PTPRD: variants seen among roughly 807,000 people sequenced by gnomAD.
PTPRD encodes the protein receptor-type tyrosine-protein phosphatase delta.
PTPRD carries 34 observed loss-of-function variants against 214.5 expected under a neutral mutation model. The ratio of observed to expected loss-of-function variants is 0.16; its 90% CI spans 0.12 to 0.21. The LOEUF (loss-of-function observed/expected upper bound fraction) is 0.21. Among genes scored for constraint, PTPRD ranks in the 10% least tolerant of loss-of-function variants. The pLI is 1.00. For synonymous variants in PTPRD, 1,128 were observed against 845.7 expected (o/e 1.33, Z -5.79); for missense variants, 2,545 against 2,398.7 (o/e 1.06, Z -1.27).
chr9:8,436,742 T>C, intron 34 of PTPRD, 53 bp from the exon 35 acceptor site: 2 of 1,368,262 alleles, frequency 1.5e-6, no homozygotes, highest in South Asian at 1.2e-5. Flanking sequence ...AAAATGATGC[T>C]AACTATTCCA....
rs868138779 is a variant in PTPRD, at chr9:8,948,531, T to A, written c.-104+70166A>T. ...TATATATATATATTTATATATATAT[T>A]TATATATATATTTATATATATTTAT... is the stretch of plus-strand genomic sequence containing the variant. On this transcript the variant is annotated intron_variant, in intron 11 of 45. Coordinates refer to ENST00000381196, the MANE Select transcript of PTPRD (RefSeq NM_002839.4). Among the ~76,000 whole-genome samples the A allele has an allele frequency of 2.0e-4, 6 of 30,072 alleles. 1 individual carries two copies. The South Asian group carries it at 4.7e-3, about 24-fold the overall frequency. The allele number at this position is 30,072 out of a possible 152,430, so 19.7% of individuals were successfully genotyped here. A position where few individuals can be genotyped will look rare whatever the true frequency, so the allele number is the denominator to read the frequency against.
At chr9:9,923,557 G>A (rs911484883) in intron 5 of PTPRD, among the ~76,000 whole-genome samples, 52 of 151,934 alleles carry the variant, frequency 3.4e-4, no homozygotes, top group African/African-American at 9.9e-4. Context: ...ATGCTTAAAC[G>A]TTTCCTACAA....
At chr9:9,487,431 GTGCC>G (rs1569568734) in intron 8 of PTPRD, among the ~76,000 whole-genome samples, 5 of 152,070 alleles carry the variant, frequency 3.3e-5, no homozygotes, top group Non-Finnish European at 2.9e-5. Context: ...TGGTGTATAT[GTGCC>G]ACATTTTCTT....
intron 12 of PTPRD, among the ~76,000 whole-genome samples, chr9:8,715,226 G>A (rs1465521375): frequency 6.6e-6 from 1 of 151,982 alleles, no homozygotes; most frequent in African/African-American, 2.4e-5. Context: ...CAGCTACATC[G>A]ACCAATTATG....
At chr9:10,026,975 T>G (rs1391035036) in intron 4 of PTPRD, among the ~76,000 whole-genome samples, 2 of 152,048 alleles carry the variant, frequency 1.3e-5, no homozygotes, top group African/African-American at 4.8e-5. Context: ...TAACATCCCA[T>G]TAAAGGCAGC....
At chr9:8,573,337 CTGAAA>C (rs1323073645) in intron 14 of PTPRD, among the ~76,000 whole-genome samples, 2 of 151,822 alleles carry the variant, frequency 1.3e-5, no homozygotes, top group African/African-American at 2.4e-5. Context: ...ATATTTATTC[CTGAAA>C]TGAAAAGATA....
intron 2 of PTPRD, among the ~76,000 whole-genome samples, chr9:10,405,501 A>T (rs1334405882): frequency 7.1e-6 from 1 of 141,432 alleles, no homozygotes; most frequent in Non-Finnish European, 1.6e-5. Context: ...CAACATATAT[A>T]GAATATGATT....
chr9:8,601,023 C>T (rs2094825698), intron 14 of PTPRD, among the ~76,000 whole-genome samples: 1 of 152,068 alleles, frequency 6.6e-6, no homozygotes, highest in African/African-American at 2.4e-5. Flanking sequence ...GAGCTGATCG[C>T]CTTGAAGGGT....
intron 8 of PTPRD, among the ~76,000 whole-genome samples, chr9:9,527,340 A>G (rs2074358019): frequency 6.6e-6 from 1 of 152,194 alleles, no homozygotes; most frequent in Non-Finnish European, 1.5e-5. Flanking sequence ...ACAGTCAGAA[A>G]TAAGAAGTTT....
chr9:9,216,837 T>C (rs945093655), intron 9 of PTPRD, among the ~76,000 whole-genome samples: 24 of 152,290 alleles, frequency 1.6e-4, no homozygotes, highest in African/African-American at 5.8e-4. Context: ...TGTGTTAATA[T>C]AAAAATAAAT....
At chr9:8,847,276 G>C (rs1249067735) in intron 11 of PTPRD, among the ~76,000 whole-genome samples, 2 of 136,274 alleles carry the variant, frequency 1.5e-5, no homozygotes, top group Non-Finnish European at 3.0e-5. Flanking sequence ...ATCAGTAACT[G>C]AATATACATA....
intron 3 of PTPRD, among the ~76,000 whole-genome samples, chr9:10,179,416 G>T (rs2099268805): frequency 6.6e-6 from 1 of 151,978 alleles, no homozygotes; most frequent in South Asian, 2.1e-4. Flanking sequence ...GGTGAATAAA[G>T]AAGTTAGTAA....
rs1244766984 is a variant in PTPRD at position 8,650,095 on chromosome 9, T to C, written c.65-13251A>G. Among the ~76,000 whole-genome samples, 3 of 152,058 alleles carry C rather than the reference T, an allele frequency of 2.0e-5. No individual in the cohort carries two copies. The South Asian group carries it at 6.2e-4, about 32-fold the overall frequency. On this transcript the variant is annotated intron_variant, in intron 12 of 45. Transcript: ENST00000381196. ...ACAACACCATGCTATTTTTAAAATGTTTTGTAGAGATGGGGTCTAGCTATG... is the reference window on the plus strand; with the variant it reads ...ACAACACCATGCTATTTTTAAAATGCTTTGTAGAGATGGGGTCTAGCTATG...
At chr9:10,306,250 C>T (rs2096063757) in intron 3 of PTPRD, among the ~76,000 whole-genome samples, 2 of 124,536 alleles carry the variant, frequency 1.6e-5, no homozygotes, top group South Asian at 2.8e-4. Flanking sequence ...GGGAGGGGAA[C>T]ATCACATGCT....
intron 12 of PTPRD, among the ~76,000 whole-genome samples, chr9:8,645,625 G>A (rs1231936580): frequency 6.6e-6 from 1 of 152,080 alleles, no homozygotes; most frequent in Admixed American, 6.5e-5. Flanking sequence ...TAGGCACACT[G>A]ACAGACAGGA....
intron 8 of PTPRD, among the ~76,000 whole-genome samples, chr9:9,541,589 A>G (rs1356328080): frequency 1.3e-5 from 2 of 151,864 alleles, no homozygotes; most frequent in Non-Finnish European, 2.9e-5. Flanking sequence ...ACAACGTTTT[A>G]ATTATACATA....
At position 9,018,708 on chromosome 9, in the gene PTPRD, A is replaced by C. The variant is rs1334355089; in HGVS notation, c.-115T>G. On this transcript the variant is annotated 5_prime_UTR_variant, in exon 11 of 46. Coordinates refer to ENST00000381196, the MANE Select transcript of PTPRD (RefSeq NM_002839.4). ...GCTTTAAATCTTACTTGTTCTTTAG[A>C]TCCCACGGGTGTTCACCAGACGTCT... The C allele has an allele frequency of 6.6e-6, 1 of 152,208 alleles. No individual in the cohort carries two copies. Among genetic ancestry groups the C allele is most frequent in the Non-Finnish European group, 1.5e-5 (1 of 68,042 alleles). The allele number at this position is 152,208 out of a possible 1,614,324, so 9.4% of individuals were successfully genotyped here.
intron 14 of PTPRD, among the ~76,000 whole-genome samples, chr9:8,579,812 G>A (rs770598329): frequency 6.6e-6 from 1 of 152,190 alleles, no homozygotes; most frequent in African/African-American, 2.4e-5. Context: ...TGGAAGGAAT[G>A]TAGTATGTTA....
intron 14 of PTPRD, among the ~76,000 whole-genome samples, chr9:8,610,653 T>C (rs191069918): frequency 6.6e-6 from 1 of 152,356 alleles, no homozygotes; most frequent in East Asian, 1.9e-4. Context: ...TACTCATAAA[T>C]ATTCAGTTCA....
Sources: allele counts gnomAD v4.1 joint callset (sites outside exome capture counted in the v4.1 genomes callset), GRCh38; gene constraint gnomAD v4.1.1; transcripts MANE v1.5; gene names NCBI Gene and HGNC (gene_info 2026-07-23, HGNC 2026-07-21).